Variants in HSF2BP observed in about 807,000 individuals in gnomAD.
HSF2BP encodes the protein heat shock factor 2-binding protein.
Under a neutral mutation model 35.0 loss-of-function variants are expected in HSF2BP, and 35 were observed. The ratio of observed to expected loss-of-function variants is 1.00; its 90% CI spans 0.76 to 1.32. HSF2BP has a LOEUF of 1.32. Among genes scored for constraint, HSF2BP ranks in the 40% most tolerant of loss-of-function variants. HSF2BP has a pLI of 0.00. For missense variants in HSF2BP, 326 were observed against 321.7 expected (o/e 1.01, Z -0.10); for synonymous variants, 114 against 117.4 (o/e 0.97, Z 0.18).
chr21:43,622,597 T>C (rs1260437876), intron 6 of HSF2BP, among the ~76,000 whole-genome samples: 1 of 152,024 alleles, frequency 6.6e-6, no homozygotes, highest in East Asian at 1.9e-4. Context: ...TAATGAAAAA[T>C]GGACCAACTC....
intron 8 of HSF2BP, among the ~76,000 whole-genome samples, chr21:43,574,878 G>A (rs1021064165): frequency 3.9e-5 from 6 of 152,150 alleles, no homozygotes; most frequent in African/African-American, 9.7e-5. Context: ...CTTCTCTCCC[G>A]ATGAAGGGAT....
intron 2 of HSF2BP, 118 bp from the exon 3 acceptor site, chr21:43,656,855 T>G: frequency 1.3e-6 from 1 of 780,990 alleles, no homozygotes; most frequent in East Asian, 2.5e-5. Context: ...AAATCATGTC[T>G]CTACCTACTG....
chr21:43,494,967 T>C, the HSF2BP span, among the ~76,000 whole-genome samples: 4 of 110,400 alleles, frequency 3.6e-5, no homozygotes, highest in East Asian at 8.7e-4. Context: ...GGGATGTGTG[T>C]GTACGCAGAG....
intron 6 of HSF2BP, among the ~76,000 whole-genome samples, chr21:43,628,338 C>T (rs528247917): frequency 2.6e-4 from 39 of 152,270 alleles, no homozygotes; most frequent in Middle Eastern, 3.4e-3. Flanking sequence ...ATGATAAGAA[C>T]GCAAAACAGC....
At chr21:43,587,927 AAG>A (rs1271856138) in intron 8 of HSF2BP, among the ~76,000 whole-genome samples, 1 of 152,186 alleles carries the variant, frequency 6.6e-6, no homozygotes, top group Non-Finnish European at 1.5e-5. Context: ...CCAGAGCTAA[AAG>A]GGCCATAGAG....
intron 6 of HSF2BP, among the ~76,000 whole-genome samples, chr21:43,620,862 CA>C (rs1160806518): frequency 6.6e-6 from 1 of 151,920 alleles, no homozygotes; most frequent in African/African-American, 2.4e-5. Context: ...AGCTCAGAGA[CA>C]AGCTATCAAA....
At chr21:43,651,008 C>T (rs1018319382) in intron 3 of HSF2BP, among the ~76,000 whole-genome samples, 2 of 152,198 alleles carry the variant, frequency 1.3e-5, no homozygotes, top group East Asian at 1.9e-4. Flanking sequence ...GCACCCGGCC[C>T]GGTTTACATC....
At chr21:43,615,126 A>G (rs2838332) in intron 6 of HSF2BP, among the ~76,000 whole-genome samples, 7,002 of 152,276 alleles carry the variant, frequency 0.046, 287 homozygotes, top group African/African-American at 0.094. Context: ...TGTGTTTGTT[A>G]AGAGTTTTCT....
At position 43,634,832 on chromosome 21, in the gene HSF2BP, G is replaced by A. The variant is rs552498699; in HGVS notation, c.292-1411C>T. Among the ~76,000 whole-genome samples, 52 of 152,256 alleles carry A rather than the reference G, an allele frequency of 3.4e-4. 2 individuals are homozygous for A. Among genetic ancestry groups the A allele is most frequent in the African/African-American group, 1.1e-3 (44 of 41,548 alleles). On this transcript the variant is annotated intron_variant, in intron 4 of 8. Coordinates refer to ENST00000291560, the MANE Select transcript of HSF2BP (RefSeq NM_007031.2). ...TCCTAGATTCATCCTTTCAGTGTACGTAGCTGAACACAAGTCATGGTGACA... is the reference window on the plus strand; with the variant it reads ...TCCTAGATTCATCCTTTCAGTGTACATAGCTGAACACAAGTCATGGTGACA...
intron 4 of HSF2BP, among the ~76,000 whole-genome samples, chr21:43,638,140 ACTC>A (rs753943407): frequency 6.6e-6 from 1 of 152,020 alleles, no homozygotes; most frequent in Non-Finnish European, 1.5e-5. Context: ...CCATAAAAGA[ACTC>A]CTAGAAGTCA....
chr21:43,630,793 T>C (rs1856059433), intron 5 of HSF2BP, among the ~76,000 whole-genome samples: 1 of 152,102 alleles, frequency 6.6e-6, no homozygotes, highest in Non-Finnish European at 1.5e-5. Flanking sequence ...AAACCAGAGG[T>C]GTTCAAACCT....
intron 7 of HSF2BP, among the ~76,000 whole-genome samples, chr21:43,592,728 C>A (rs2081941865): frequency 6.6e-6 from 1 of 152,148 alleles, no homozygotes; most frequent in Non-Finnish European, 1.5e-5. Context: ...TATTTTCATT[C>A]AATGAACATT....
intron 7 of HSF2BP, among the ~76,000 whole-genome samples, chr21:43,605,619 C>T (rs2082125564): frequency 1.3e-5 from 2 of 148,872 alleles, no homozygotes; most frequent in East Asian, 2.0e-4. Flanking sequence ...CCTCACATAG[C>T]CACACACACC....
In HSF2BP at chr21:43,631,870, C is replaced by T. The variant is rs117173388; in HGVS notation, c.441+1402G>A. The stretch of plus-strand genomic sequence containing the variant: ...ATGCCTGCACGCATGCATACATGTG[C>T]GTGTGCACGCTCCCACACACACACA... On this transcript the variant is annotated intron_variant, in intron 5 of 8. Transcript: ENST00000291560. Among the ~76,000 whole-genome samples, 1,146 of 152,116 alleles carry T rather than the reference C, an allele frequency of 7.5e-3. 14 individuals carry two copies. Among genetic ancestry groups the T allele is most frequent in the East Asian group, 0.054 (278 of 5,174 alleles).
chr21:43,649,740 T>C (rs1366250719), intron 3 of HSF2BP, among the ~76,000 whole-genome samples: 1 of 152,232 alleles, frequency 6.6e-6, no homozygotes, highest in Non-Finnish European at 1.5e-5. Flanking sequence ...GCATGAAAAG[T>C]GTTTTCTGTA....
intron 6 of HSF2BP, among the ~76,000 whole-genome samples, chr21:43,621,931 T>A (rs144715472): frequency 7.2e-4 from 110 of 152,260 alleles, no homozygotes; most frequent in African/African-American, 2.4e-3. Flanking sequence ...GTGTGAAGCC[T>A]AGAAACAGAA....
At chr21:43,646,324 T>G (rs2082708326) in intron 3 of HSF2BP, among the ~76,000 whole-genome samples, 1 of 152,214 alleles carries the variant, frequency 6.6e-6, no homozygotes, top group Non-Finnish European at 1.5e-5. Flanking sequence ...TAGGAAGCAC[T>G]ATGCTTTAAA....
intron 6 of HSF2BP, among the ~76,000 whole-genome samples, chr21:43,625,204 G>T (rs1272762876): frequency 4.6e-5 from 7 of 152,038 alleles, no homozygotes. Flanking sequence ...AAAATCACAG[G>T]TCTTCTTGAA....
chr21:43,639,172 AT>A (rs1601711085), intron 4 of HSF2BP, among the ~76,000 whole-genome samples: 1 of 152,248 alleles, frequency 6.6e-6, no homozygotes, highest in African/African-American at 2.4e-5. Flanking sequence ...ATAGACTTAA[AT>A]GTAAAATGTA....
Sources: gnomAD v4.1 joint callset for allele counts (sites outside exome capture counted in the v4.1 genomes callset) on GRCh38, gnomAD v4.1.1 for gene constraint, MANE v1.5 for transcripts, NCBI Gene and HGNC (gene_info 2026-07-23, HGNC 2026-07-21) for gene names.